The following TEX11 variants were observed in gnomAD, a reference collection of about 807,000 sequenced individuals.
TEX11 encodes testis-expressed protein 11.
TEX11 carries 7 observed loss-of-function variants against 84.4 expected under a neutral mutation model. That is an observed-to-expected ratio of 0.08 (90% confidence interval 0.05 to 0.16). The LOEUF is 0.16. TEX11 is among the 10% of genes least tolerant of loss of function. The pLI, the probability that TEX11 is intolerant of heterozygous loss-of-function variation, is 1.00. For missense variants in TEX11, 551 were observed against 660.5 expected (o/e 0.83, Z 1.82); for synonymous variants, 264 against 222.8 (o/e 1.18, Z -1.64).
chrX:70,599,598 C>T (rs1050131287), intron 24 of TEX11, among the ~76,000 whole-genome samples: 2 of 108,799 alleles, frequency 1.8e-5, no homozygotes, highest in Non-Finnish European at 3.8e-5. Flanking sequence ...TATACATGTG[C>T]CATGCTGGTG....
chrX:70,855,977 G>A (rs1339079071), intron 5 of TEX11, among the ~76,000 whole-genome samples: 1 of 111,482 alleles, frequency 9.0e-6, no homozygotes, highest in Non-Finnish European at 1.9e-5. Context: ...ATTGTGTTAT[G>A]GCAGCCCTAG....
intron 9 of TEX11, among the ~76,000 whole-genome samples, chrX:70,781,385 T>G (rs769422416): frequency 4.5e-5 from 5 of 111,478 alleles, no homozygotes; most frequent in African/African-American, 1.6e-4. Context: ...AACTGAAAAT[T>G]CTAAAAACCA....
At chrX:70,799,333 G>T (rs765609009) in intron 9 of TEX11, among the ~76,000 whole-genome samples, 41 of 111,766 alleles carry the variant, frequency 3.7e-4, no homozygotes, top group Middle Eastern at 4.6e-3. Context: ...AATCATGTCT[G>T]TAAGGTGGAT....
At chrX:70,874,395 C>CTTTTTTTTT (rs34210812) in intron 3 of TEX11, among the ~76,000 whole-genome samples, 1 of 48,077 alleles carries the variant, frequency 2.1e-5, no homozygotes, top group Non-Finnish European at 3.6e-5. Context: ...TGATGACTTC[C>CTTTTTTTTT]TTTTTTTTTT....
At chrX:70,886,284 T>G (rs1042335429) in intron 2 of TEX11, among the ~76,000 whole-genome samples, 1 of 111,968 alleles carries the variant, frequency 8.9e-6, no homozygotes, top group African/African-American at 3.2e-5. Flanking sequence ...AATTCCATAA[T>G]ATGTGACAAT....
chrX:70,589,553 T>C (rs1225394507), intron 25 of TEX11, among the ~76,000 whole-genome samples: 1 of 111,761 alleles, frequency 8.9e-6, no homozygotes, highest in Non-Finnish European at 1.9e-5. Flanking sequence ...AAACAGTGTC[T>C]TGCTGTGCTG....
intron 13 of TEX11, among the ~76,000 whole-genome samples, chrX:70,709,011 T>C (rs2090402816): frequency 9.0e-6 from 1 of 111,284 alleles, no homozygotes; most frequent in African/African-American, 3.2e-5. Flanking sequence ...CTTATCTATT[T>C]CAACAAAACT....
chrX:70,749,804 T>G, intron 9 of TEX11, among the ~76,000 whole-genome samples: 1 of 109,089 alleles, frequency 9.2e-6, no homozygotes, highest in East Asian at 2.9e-4. Context: ...CTTTTTGATG[T>G]GCTGCTGGAT....
chrX:70,700,368 C>G (rs2090315969), intron 13 of TEX11, among the ~76,000 whole-genome samples: 1 of 111,825 alleles, frequency 8.9e-6, no homozygotes, highest in Admixed American at 9.6e-5. Context: ...CAACAGCATG[C>G]ACTCTATTTG....
intron 8 of TEX11, among the ~76,000 whole-genome samples, chrX:70,819,007 CA>C (rs1444514202): frequency 9.0e-6 from 1 of 111,714 alleles, no homozygotes; most frequent in East Asian, 2.8e-4. Flanking sequence ...TGTATTCTAC[CA>C]AACATTCAAA....
In TEX11 at chrX:70,707,826, C is replaced by T. The variant is rs976416511; in HGVS notation, c.1004+14792G>A. 4.5e-5 allele frequency among the ~76,000 whole-genome samples: 5 copies of T among 110,297 alleles called. No individual in the cohort carries two copies. In the East Asian group the frequency reaches 1.4e-3, roughly 31 times the overall value. On this transcript the variant is annotated intron_variant, in intron 13 of 29. Transcript: ENST00000374333. ...AACTCTTTCTCCAGGAGCAACCAACCTTTAAAAACCTAGGAAACACCCTTC... is the reference window on the plus strand; with the variant it reads ...AACTCTTTCTCCAGGAGCAACCAACTTTTAAAAACCTAGGAAACACCCTTC...
intron 25 of TEX11, among the ~76,000 whole-genome samples, chrX:70,570,307 G>C (rs1158441219): frequency 8.9e-6 from 1 of 112,041 alleles, no homozygotes; most frequent in Non-Finnish European, 1.9e-5. Flanking sequence ...GGTGCCGTCT[G>C]TCACCCCTTT....
intron 7 of TEX11, among the ~76,000 whole-genome samples, chrX:70,838,520 G>A (rs1008994769): frequency 4.4e-5 from 5 of 112,444 alleles, no homozygotes; most frequent in Non-Finnish European, 9.4e-5. Flanking sequence ...CAAGATGGCC[G>A]AATAGGAACA....
At chrX:70,685,321 A>G (rs762286535) in intron 13 of TEX11, among the ~76,000 whole-genome samples, 1 of 112,137 alleles carries the variant, frequency 8.9e-6, no homozygotes, top group South Asian at 3.7e-4. Context: ...AGCCAAGATC[A>G]TGCCACCACA....
At chrX:70,740,421 C>A in intron 11 of TEX11, among the ~76,000 whole-genome samples, 1 of 111,291 alleles carries the variant, frequency 9.0e-6, no homozygotes. Flanking sequence ...TTATCATCTC[C>A]CAAAGTCCCC....
At chrX:70,568,235 T>C (rs2088524567) in intron 25 of TEX11, among the ~76,000 whole-genome samples, 1 of 111,411 alleles carries the variant, frequency 9.0e-6, no homozygotes, top group African/African-American at 3.3e-5. Flanking sequence ...AACCCCTGCC[T>C]TTGTTTGTTT....
At chrX:70,661,522 G>C (rs1240588784) in intron 16 of TEX11, among the ~76,000 whole-genome samples, 1 of 112,224 alleles carries the variant, frequency 8.9e-6, no homozygotes, top group Non-Finnish European at 1.9e-5. Flanking sequence ...GCTTGGAAGA[G>C]AGTAGTGGTT....
At chrX:70,676,407 T>G (rs1341713746) in intron 15 of TEX11, among the ~76,000 whole-genome samples, 2 of 112,462 alleles carry the variant, frequency 1.8e-5, no homozygotes, top group African/African-American at 6.5e-5. Context: ...TCTTTCATTA[T>G]TTTAAAGATG....
intron 9 of TEX11, among the ~76,000 whole-genome samples, chrX:70,764,293 A>C (rs2090926708): frequency 8.9e-6 from 1 of 111,949 alleles, no homozygotes; most frequent in African/African-American, 3.2e-5. Context: ...TAATGGAAAC[A>C]TCACATACCA....
Sources: allele counts gnomAD v4.1 joint callset (sites outside exome capture counted in the v4.1 genomes callset), GRCh38; gene constraint gnomAD v4.1.1; transcripts MANE v1.5; gene names NCBI Gene and HGNC (gene_info 2026-07-23, HGNC 2026-07-21).